Variants in TMEM108 observed in about 807,000 individuals in gnomAD.
The protein encoded by TMEM108 is transmembrane protein 108.
In TMEM108, 12 loss-of-function variants were observed where a neutral mutation model predicts 35.1. The observed-to-expected ratio is 0.34, with a 90% CI of 0.22 to 0.55. TMEM108 has a LOEUF of 0.55. Ranked by LOEUF, TMEM108 falls within the 20% of genes least tolerant of loss-of-function variation. The pLI is 0.89. For missense variants in TMEM108, 680 were observed against 753.3 expected, an observed-to-expected ratio of 0.90 and a Z score of 1.14; for synonymous variants, 287 against 308.6, an observed-to-expected ratio of 0.93 and a Z score of 0.73.
chr3:133,151,052 T>A (rs1237064140), intron 2 of TMEM108, among the ~76,000 whole-genome samples: 1 of 152,132 alleles, frequency 6.6e-6, no homozygotes, highest in Admixed American at 6.6e-5. Flanking sequence ...TACCCCCTCT[T>A]CCAAGAACCC....
At chr3:133,312,270 G>C (rs1326316248) in intron 3 of TMEM108, among the ~76,000 whole-genome samples, 1 of 152,250 alleles carries the variant, frequency 6.6e-6, no homozygotes, top group African/African-American at 2.4e-5. Context: ...CTTCAGAGCT[G>C]TCAGACAGGG....
chr3:133,061,963 T>C (rs879743171), intron 2 of TMEM108, among the ~76,000 whole-genome samples: 4 of 152,214 alleles, frequency 2.6e-5, no homozygotes, highest in Non-Finnish European at 5.9e-5. Flanking sequence ...TTGCTACCAG[T>C]TGGGGCATGT....
rs191198243 is a variant in TMEM108 at position 133,107,970 on chromosome 3, G to A, written c.-47+61950G>A. Reference sequence around the variant, plus strand: ...TTTATAGCTGGGCACGGTGGCTCACGCCTGTAATCCCAGCACTTTGGGAGG... The same window carrying A: ...TTTATAGCTGGGCACGGTGGCTCACACCTGTAATCCCAGCACTTTGGGAGG... On this transcript the variant is annotated intron_variant, in intron 2 of 5. Coordinates refer to ENST00000321871, the MANE Select transcript of TMEM108 (RefSeq NM_023943.4). Among the ~76,000 whole-genome samples the A allele has an allele frequency of 3.9e-5, 6 of 152,248 alleles. No individual in the cohort carries two copies. In the East Asian group the frequency reaches 7.7e-4, roughly 20 times the overall value.
intron 2 of TMEM108, among the ~76,000 whole-genome samples, chr3:133,167,492 G>C (rs4373064): frequency 0.25 from 37,426 of 152,282 alleles, 5,756 homozygotes; most frequent in Admixed American, 0.42. Context: ...AGCCCACCGT[G>C]GGGGGACTTG....
At chr3:133,273,190 A>G (rs183934510) in intron 3 of TMEM108, among the ~76,000 whole-genome samples, 6 of 152,304 alleles carry the variant, frequency 3.9e-5, no homozygotes, top group African/African-American at 1.4e-4. Context: ...TCAATGAACC[A>G]CAGGTAAATA....
intron 3 of TMEM108, among the ~76,000 whole-genome samples, chr3:133,338,102 TAAAG>T (rs1486708556): frequency 3.3e-5 from 5 of 152,032 alleles, no homozygotes. Context: ...TTATTGGCCT[TAAAG>T]AGGAGATGGA....
intron 3 of TMEM108, among the ~76,000 whole-genome samples, chr3:133,264,415 C>A (rs145945618): frequency 6.6e-6 from 1 of 152,254 alleles, no homozygotes; most frequent in Non-Finnish European, 1.5e-5. Context: ...TGAGCAGGAG[C>A]CACATTTGCA....
chr3:133,053,035 A>G (rs372916309), intron 2 of TMEM108, among the ~76,000 whole-genome samples: 4 of 152,118 alleles, frequency 2.6e-5, no homozygotes, highest in East Asian at 3.9e-4. Flanking sequence ...ATTAATTTCT[A>G]ATATCACCTA....
intron 2 of TMEM108, among the ~76,000 whole-genome samples, chr3:133,110,814 GT>G (rs1944215908): frequency 6.6e-6 from 1 of 152,190 alleles, no homozygotes. Flanking sequence ...TCCATTTGTT[GT>G]GTCCTCACTC....
intron 2 of TMEM108, among the ~76,000 whole-genome samples, chr3:133,126,730 G>A (rs1944422223): frequency 6.6e-6 from 1 of 151,992 alleles, no homozygotes; most frequent in African/African-American, 2.4e-5. Flanking sequence ...ATTGGTTCCA[G>A]GACTCCCCAC....
intron 3 of TMEM108, among the ~76,000 whole-genome samples, chr3:133,352,733 T>C (rs2107773684): frequency 6.6e-6 from 1 of 152,350 alleles, no homozygotes; most frequent in South Asian, 2.1e-4. Context: ...AGAGCTTCCA[T>C]GCCCTTTCTG....
At chr3:133,247,907 T>A (rs1457944292) in intron 3 of TMEM108, 2 of 152,176 alleles carry the variant, frequency 1.3e-5, no homozygotes, top group Non-Finnish European at 2.9e-5. Flanking sequence ...GCTGGGGTTA[T>A]GGCTGTGTGA....
intron 2 of TMEM108, among the ~76,000 whole-genome samples, chr3:133,223,690 T>A (rs1223542071): frequency 6.6e-6 from 1 of 152,172 alleles, no homozygotes; most frequent in South Asian, 2.1e-4. Flanking sequence ...GAAACCATCA[T>A]TAGAATAGTA....
intron 2 of TMEM108, among the ~76,000 whole-genome samples, chr3:133,218,300 T>C (rs1289174478): frequency 6.6e-6 from 1 of 152,028 alleles, no homozygotes; most frequent in East Asian, 1.9e-4. Flanking sequence ...AACAGTGTTT[T>C]GGTGGATTCT....
intron 2 of TMEM108, among the ~76,000 whole-genome samples, chr3:133,228,634 T>C (rs757902687): frequency 5.7e-4 from 87 of 152,220 alleles, no homozygotes; most frequent in South Asian, 1.5e-3. Flanking sequence ...AAATATAAAA[T>C]GAAACAGACC....
At chr3:133,047,180 T>C (rs559392735) in intron 2 of TMEM108, among the ~76,000 whole-genome samples, 1 of 152,330 alleles carries the variant, frequency 6.6e-6, no homozygotes, top group African/African-American at 2.4e-5. Context: ...ATGCAGACTA[T>C]AGCTCAGCAC....
At chr3:133,389,213 AT>A in intron 4 of TMEM108, 1 of 985,648 alleles carries the variant, frequency 1.0e-6, no homozygotes, top group South Asian at 4.7e-5. Flanking sequence ...CAATTCACAC[AT>A]GGTTAATCAA....
intron 2 of TMEM108, among the ~76,000 whole-genome samples, chr3:133,149,170 C>G (rs150057556): frequency 1.3e-5 from 2 of 152,122 alleles, no homozygotes; most frequent in African/African-American, 4.8e-5. Context: ...CTCAGCACCC[C>G]ACAGGCCCTC....
At chr3:133,126,478 G>GAA (rs755936784) in intron 2 of TMEM108, among the ~76,000 whole-genome samples, 1 of 119,786 alleles carries the variant, frequency 8.3e-6, no homozygotes. Flanking sequence ...GCCCCCCCCA[G>GAA]AAAAAAAAAA....
Sources: gnomAD v4.1 joint callset for allele counts (sites outside exome capture counted in the v4.1 genomes callset) on GRCh38, gnomAD v4.1.1 for gene constraint, MANE v1.5 for transcripts, NCBI Gene and HGNC (gene_info 2026-07-23, HGNC 2026-07-21) for gene names.